The following ZNF681 variants were observed in gnomAD, a reference collection of about 807,000 sequenced individuals.
ZNF681 encodes zinc finger protein 681.
A neutral mutation model predicts 56.0 loss-of-function variants in ZNF681; 37 were observed. The observed-to-expected ratio is 0.66, with a 90% confidence interval of 0.51 to 0.87. ZNF681 has a LOEUF of 0.87. Among genes scored for constraint, ZNF681 ranks in the 40% least tolerant of loss-of-function variants. ZNF681 has a pLI of 0.00. For missense variants in ZNF681, 741 were observed against 744.9 expected, an observed-to-expected ratio of 0.99 and a Z score of 0.06; for synonymous variants, 225 against 248.6, an observed-to-expected ratio of 0.91 and a Z score of 0.89.
intron 1 of ZNF681, among the ~76,000 whole-genome samples, chr19:23,756,589 C>T (rs996042717): frequency 1.3e-5 from 2 of 152,010 alleles, no homozygotes; most frequent in Non-Finnish European, 2.9e-5. Flanking sequence ...AAGAGTTGAA[C>T]AATGAGCACA....
intron 2 of ZNF681, 98 bp from the exon 3 acceptor site, chr19:23,755,016 G>C: frequency 1.2e-6 from 1 of 829,906 alleles, no homozygotes; most frequent in East Asian, 2.7e-5. Context: ...GAATATTCTT[G>C]TAAATCAATC....
intron 3 of ZNF681, among the ~76,000 whole-genome samples, chr19:23,752,502 A>G (rs1001130016): frequency 2.2e-5 from 1 of 46,258 alleles, no homozygotes; most frequent in Non-Finnish European, 4.4e-5. Context: ...ACATTCTTAA[A>G]TAAGACTCAA....
At position 23,742,650 on chromosome 19, in the gene ZNF681, C is replaced by T. The variant is rs978471668; in HGVS notation, c.*962G>A. The T allele has an allele frequency of 6.6e-6, 1 of 152,096 alleles. No homozygotes were observed. The highest frequency in any genetic ancestry group is 1.9e-4 in the East Asian group (1 of 5,186). The allele number at this position is 152,096 out of a possible 1,614,324, so 9.4% of individuals were successfully genotyped here. ...ACTTACATTTTCATCTTGCATCTTA[C>T]ATTTTAATGTCCTTAACTCTTTCAC... is the stretch of plus-strand genomic sequence containing the variant. On this transcript the variant is annotated 3_prime_UTR_variant, in exon 4 of 4. Transcript: ENST00000402377.
chr19:23,753,563 C>T (rs1020057269), intron 3 of ZNF681, among the ~76,000 whole-genome samples: 3 of 152,282 alleles, frequency 2.0e-5, no homozygotes, highest in Non-Finnish European at 2.9e-5. Flanking sequence ...AGAATAAATA[C>T]TGTTAAAGTG....
intron 3 of ZNF681, among the ~76,000 whole-genome samples, chr19:23,749,342 G>A (rs1397338586): frequency 6.6e-6 from 1 of 152,014 alleles, no homozygotes; most frequent in Non-Finnish European, 1.5e-5. Context: ...AGGGTAAAAT[G>A]TTCAGCTGTT....
chr19:23,751,372 A>T (rs976850923), intron 3 of ZNF681, among the ~76,000 whole-genome samples: 3 of 148,872 alleles, frequency 2.0e-5, no homozygotes, highest in African/African-American at 7.4e-5. Flanking sequence ...GCTACTCGGG[A>T]GGCTGAGGCA....
Position 23,743,488 on chromosome 19 carries a change from G to T in ZNF681, c.*124C>A. On this transcript the variant is annotated 3_prime_UTR_variant, in exon 4 of 4. Coordinates refer to ENST00000402377, the MANE Select transcript of ZNF681 (RefSeq NM_138286.3). Reference sequence around the variant, plus strand: ...TACAAATGCTTTCCTGTGCAATAAGGTGTGAGCATTGGTTAAAAGTTTTGC... The same window carrying T: ...TACAAATGCTTTCCTGTGCAATAAGTTGTGAGCATTGGTTAAAAGTTTTGC... 2 of 853,748 alleles carry T rather than the reference G, an allele frequency of 2.3e-6. No homozygotes were observed. Among genetic ancestry groups the T allele is most frequent in the South Asian group, 2.4e-5 (1 of 41,746 alleles). 52.9% of individuals were successfully genotyped at this position (853,748 alleles called of 1,614,324 possible). A position where few individuals can be genotyped will look rare whatever the true frequency, so the allele number is the denominator to read the frequency against.
In ZNF681 at chr19:23,744,819, T is replaced by C. The variant is rs1194359797; in HGVS notation, c.731A>G (p.His244Arg). The change falls in exon 4 of 4, where the codon CAT becomes CGT. Residue 244 changes from histidine (H) to arginine (R), a missense_variant. By Grantham distance (29) the His-to-Arg change is conservative. Coordinates refer to ENST00000402377, the MANE Select transcript of ZNF681 (RefSeq NM_138286.3). ...TTTGTCTCTAGTATAAATTATCTTA[T>C]GTGTAGTAAGGTTTGTGAACTGGTT... ...ACNQFTNLTT[H>R]KIIYTRDKLY... The C allele has an allele frequency of 6.2e-7, 1 of 1,613,522 alleles. No individual in the cohort carries two copies. Among genetic ancestry groups the C allele is most frequent in the South Asian group, 1.1e-5 (1 of 90,952 alleles).
In ZNF681 at chr19:23,742,322, T is replaced by TC; in HGVS notation, c.*1289dup. On this transcript the variant is annotated 3_prime_UTR_variant, in exon 4 of 4. Transcript: ENST00000402377. Reference sequence around the variant, plus strand: ...GCCTGACCAACATAGAGAAACCCCATCTCTATTAAAAATACAAAATTAGCC... The same window carrying TC: ...GCCTGACCAACATAGAGAAACCCCATCCTCTATTAAAAATACAAAATTAGCC... The TC allele has an allele frequency of 6.6e-6, 1 of 152,048 alleles. No homozygotes were observed. Among genetic ancestry groups the TC allele is most frequent in the African/African-American group, 2.4e-5 (1 of 41,448 alleles). 9.4% of individuals were successfully genotyped at this position (152,048 alleles called of 1,614,324 possible).
chr19:23,748,145 C>T (rs991941272), intron 3 of ZNF681, among the ~76,000 whole-genome samples: 1 of 152,032 alleles, frequency 6.6e-6, no homozygotes, highest in African/African-American at 2.4e-5. Context: ...AAAGTAACTA[C>T]ACTACAAAAT....
At position 23,740,510 on chromosome 19, in the gene ZNF681, T is replaced by C. The variant is rs1347516434; in HGVS notation, c.*3102A>G. The C allele has an allele frequency of 6.6e-6, 1 of 152,172 alleles. No homozygotes were observed. The allele number at this position is 152,172 out of a possible 1,614,324, so 9.4% of individuals were successfully genotyped here. ...TATTTCTCACAATTGATATGTTCCA[T>C]CTCTGTCTTGAAGTTACAAACTAAC... On this transcript the variant is annotated 3_prime_UTR_variant, in exon 4 of 4. Coordinates refer to ENST00000402377, the MANE Select transcript of ZNF681 (RefSeq NM_138286.3).
chr19:23,742,058 G>A lies in ZNF681; in HGVS notation c.*1554C>T, dbSNP rs1392852309. The stretch of plus-strand genomic sequence containing the variant: ...TACCATCATTTACCTATACCCTTGA[G>A]TAAGATGGGATAAGTTAAATTTAAT... On this transcript the variant is annotated 3_prime_UTR_variant, in exon 4 of 4. Coordinates refer to ENST00000402377, the MANE Select transcript of ZNF681 (RefSeq NM_138286.3). 5.9e-5 allele frequency: 9 copies of A among 152,240 alleles called. No individual in the cohort carries two copies. The East Asian group carries it at 1.4e-3, about 23-fold the overall frequency. 9.4% of individuals were successfully genotyped at this position (152,240 alleles called of 1,614,324 possible).
Position 23,744,279 on chromosome 19 carries a change from C to T in ZNF681, c.1271G>A (p.Cys424Tyr), listed in dbSNP as rs878869718. ...SIHTGEKPYQ[C>Y]EKCGKASNQS... ...GTTAGAAGCTTTGCCACATTTTTCA[C>T]ACTGGTAGGGTTTTTCTCCAGTATG... The change falls in exon 4 of 4, where the codon TGT (cysteine) becomes TAT (tyrosine). Residue 424 changes from cysteine to tyrosine, a missense_variant. By Grantham distance (194) the Cys-to-Tyr change is radical. Transcript: ENST00000402377. 2 of 1,613,498 alleles carry T rather than the reference C, an allele frequency of 1.2e-6. No individual in the cohort carries two copies. Among genetic ancestry groups the T allele is most frequent in the South Asian group, 2.2e-5 (2 of 91,044 alleles).
rs1390584386 is a variant in ZNF681, at chr19:23,744,469, T to C, written c.1081A>G (p.Thr361Ala). 1 of 1,578,552 alleles carries C rather than the reference T, an allele frequency of 6.3e-7. No homozygotes were observed. Among genetic ancestry groups the C allele is most frequent in the Non-Finnish European group, 8.6e-7 (1 of 1,159,234 alleles). ...SHLTRHKIIHTGEKPYRCEEC... is the reference protein window; with the variant it reads ...SHLTRHKIIHAGEKPYRCEEC... ...TCACATCTGTAGGGCTTCTCTCCAG[T>C]ATGAATTATCTTATGTCTGGTAAGG... Residue 361 changes from threonine to alanine, a missense_variant, in exon 4 of 4, where the codon ACT (threonine) becomes GCT (alanine). Coordinates refer to ENST00000402377, the MANE Select transcript of ZNF681 (RefSeq NM_138286.3).
chr19:23,749,005 TG>T (rs1968985420), intron 3 of ZNF681, among the ~76,000 whole-genome samples: 7 of 152,350 alleles, frequency 4.6e-5, no homozygotes, highest in African/African-American at 1.7e-4. Context: ...TAAATCTATA[TG>T]CAAACTCTGC....
At position 23,744,802 on chromosome 19, in the gene ZNF681, T is replaced by C. The variant is rs147282314; in HGVS notation, c.748A>G (p.Arg250Gly). 1.2e-4 allele frequency: 188 copies of C among 1,612,812 alleles called. No individual in the cohort carries two copies. The African/African-American group carries it at 2.2e-3, about 19-fold the overall frequency. ...NLTTHKIIYTRDKLYKREECS... is the reference protein window; with the variant it reads ...NLTTHKIIYTGDKLYKREECS... The stretch of plus-strand genomic sequence containing the variant: ...TCTTCACGTTTGTAGAGTTTGTCTC[T>C]AGTATAAATTATCTTATGTGTAGTA... The change falls in exon 4 of 4, where the codon AGA becomes GGA. Residue 250 changes from arginine (R) to glycine (G), a missense_variant. Arg to Gly is a moderately radical substitution (Grantham distance 125, BLOSUM62 -2). Coordinates refer to ENST00000402377, the MANE Select transcript of ZNF681 (RefSeq NM_138286.3).
chr19:23,745,754 A>C (rs1419485116), intron 3 of ZNF681, among the ~76,000 whole-genome samples: 1 of 152,110 alleles, frequency 6.6e-6, no homozygotes, highest in East Asian at 1.9e-4. Context: ...CTCGGCCCAA[A>C]GGCCCTAATT....
At chr19:23,756,121 C>T (rs978146080) in intron 1 of ZNF681, among the ~76,000 whole-genome samples, 2 of 151,824 alleles carry the variant, frequency 1.3e-5, no homozygotes, top group Non-Finnish European at 2.9e-5. Context: ...GTCAGGAGAT[C>T]GAGACCATCC....
intron 3 of ZNF681, among the ~76,000 whole-genome samples, chr19:23,751,831 G>A (rs1428576421): frequency 6.6e-6 from 1 of 152,010 alleles, no homozygotes; most frequent in African/African-American, 2.4e-5. Flanking sequence ...GACTACAGGC[G>A]CCTGCCACCA....
Sources: allele counts gnomAD v4.1 joint callset (sites outside exome capture counted in the v4.1 genomes callset), GRCh38; gene constraint gnomAD v4.1.1; transcripts MANE v1.5; gene names NCBI Gene and HGNC (gene_info 2026-07-23, HGNC 2026-07-21).